Variants in MCC observed in about 807,000 individuals in gnomAD.
MCC encodes the protein MCC regulator of Wnt signaling pathway.
MCC carries 90 observed loss-of-function variants against 116.2 expected under a neutral mutation model. The ratio of observed to expected loss-of-function variants is 0.77; its 90% confidence interval spans 0.65 to 0.92. MCC has a LOEUF of 0.92. MCC is among the 40% of genes least tolerant of loss of function. MCC has a pLI of 0.00. For missense variants in MCC, 1,516 were observed against 1,312.2 expected, an observed-to-expected ratio of 1.16 and a Z score of -2.40; for synonymous variants, 578 against 510.5, an observed-to-expected ratio of 1.13 and a Z score of -1.78.
intron 3 of MCC, among the ~76,000 whole-genome samples, chr5:113,316,195 G>C (rs1767275274): frequency 6.6e-6 from 1 of 151,268 alleles, no homozygotes; most frequent in Admixed American, 6.6e-5. Flanking sequence ...GGCAGAGGTT[G>C]CAGTGAGCTG....
At chr5:113,418,265 TAATAA>T (rs1045989483) in intron 1 of MCC, among the ~76,000 whole-genome samples, 17 of 146,814 alleles carry the variant, frequency 1.2e-4, no homozygotes, top group African/African-American at 3.8e-4. Context: ...AAAAGTATAA[TAATAA>T]AATAAAACAA....
intron 5 of MCC, among the ~76,000 whole-genome samples, chr5:113,141,038 C>T (rs1759149599): frequency 6.6e-6 from 1 of 152,136 alleles, no homozygotes; most frequent in African/African-American, 2.4e-5. Flanking sequence ...GGGGAAGATC[C>T]ACCCTTAGTG....
At chr5:113,266,561 G>C (rs1765424822) in intron 3 of MCC, among the ~76,000 whole-genome samples, 2 of 152,092 alleles carry the variant, frequency 1.3e-5, no homozygotes, top group South Asian at 4.1e-4. Context: ...TTTGAGATGA[G>C]GTGTCGCTCT....
At position 113,460,231 on chromosome 5, in the gene MCC, T is replaced by A. The variant is rs116396389; in HGVS notation, c.170+28014A>T. Among the ~76,000 whole-genome samples the A allele has an allele frequency of 4.3e-3, 656 of 152,282 alleles. 6 individuals carry two copies. The highest frequency in any genetic ancestry group is 0.015 in the African/African-American group (608 of 41,562). Reference sequence around the variant, plus strand: ...TATCATACATGAAGGGAATCCTCTTTCCATGGGAAATTTTGACAATTTGTG... The same window carrying A: ...TATCATACATGAAGGGAATCCTCTTACCATGGGAAATTTTGACAATTTGTG... On this transcript the variant is annotated intron_variant, in intron 1 of 18. Coordinates refer to ENST00000408903, the MANE Select transcript of MCC (RefSeq NM_001085377.2).
chr5:113,444,059 G>A (rs748097709), intron 1 of MCC, among the ~76,000 whole-genome samples: 49 of 151,520 alleles, frequency 3.2e-4, no homozygotes, highest in Non-Finnish European at 1.2e-4. Context: ...TGGCCAGGCT[G>A]TTCTCGAACT....
chr5:113,161,373 A>G (rs1257251680), intron 3 of MCC, among the ~76,000 whole-genome samples: 1 of 152,214 alleles, frequency 6.6e-6, no homozygotes, highest in East Asian at 1.9e-4. Flanking sequence ...GAACATGAAT[A>G]AAAGGGTTCT....
chr5:113,353,488 A>C (rs922377655), intron 2 of MCC, among the ~76,000 whole-genome samples: 1 of 152,250 alleles, frequency 6.6e-6, no homozygotes, highest in Non-Finnish European at 1.5e-5. Flanking sequence ...ATGGTCTCTC[A>C]ATACTACTTA....
chr5:113,055,279 T>TCTC (rs1752760682), intron 14 of MCC, among the ~76,000 whole-genome samples: 1 of 151,986 alleles, frequency 6.6e-6, no homozygotes, highest in Admixed American at 6.6e-5. Flanking sequence ...CCACGAGTGA[T>TCTC]CTCCACAGGC....
chr5:113,029,947 C>G (rs1241915860), intron 17 of MCC, among the ~76,000 whole-genome samples: 2 of 152,200 alleles, frequency 1.3e-5, no homozygotes, highest in Admixed American at 1.3e-4. Flanking sequence ...TGGTTTGATT[C>G]CCCAATGCAC....
Position 113,085,266 on chromosome 5 carries a change from AC to A in MCC, c.1442del (p.Gly481ValfsTer22), listed in dbSNP as rs779661972. On this transcript the variant is annotated frameshift_variant, in exon 9 of 19. Transcript: ENST00000408903. LOFTEE classifies it high-confidence loss of function. ...QTRLQSVQAT[G>X]PSSPGRLTST... ...AAGTGAGGCGGCCAGGGCTGGAGGG[AC>A]CTGTGGCCTGCACGCTCTGTAGTCG... 1 of 1,614,064 alleles carries A rather than the reference AC, an allele frequency of 6.2e-7. No individual in the cohort carries two copies. Among genetic ancestry groups the A allele is most frequent in the South Asian group, 1.1e-5 (1 of 91,070 alleles).
At chr5:113,460,373 C>G (rs1771710341) in intron 1 of MCC, among the ~76,000 whole-genome samples, 1 of 152,320 alleles carries the variant, frequency 6.6e-6, no homozygotes, top group Middle Eastern at 3.4e-3. Context: ...TGACTTTGCT[C>G]TTTTATTCAA....
chr5:113,247,492 A>T (rs1302926844), intron 3 of MCC, among the ~76,000 whole-genome samples: 7 of 152,252 alleles, frequency 4.6e-5, no homozygotes, highest in African/African-American at 1.7e-4. Context: ...CTAGATAGTT[A>T]CTAAAGATTT....
chr5:113,022,535 T>A lies in MCC; in HGVS notation c.*4767A>T, dbSNP rs1750214938. On this transcript the variant is annotated 3_prime_UTR_variant, in exon 19 of 19. Coordinates refer to ENST00000408903, the MANE Select transcript of MCC (RefSeq NM_001085377.2). ...GAACTAGAAAAGAAGTGGACATGTT[T>A]TATTATCTTTGCATTACGTTCTAAC... is the stretch of plus-strand genomic sequence containing the variant. The A allele has an allele frequency of 6.6e-6, 1 of 152,418 alleles. No homozygotes were observed. The highest frequency in any genetic ancestry group is 2.4e-5 in the African/African-American group (1 of 41,466). The allele number at this position is 152,418 out of a possible 1,614,324, so 9.4% of individuals were successfully genotyped here.
rs1336414591 is a variant in MCC, at chr5:113,085,292, G to A, written c.1417C>T (p.Arg473Ter). ...CCTGTGGCCTGCACGCTCTGTAGTC[G>A]AGTTTGAAGCTCTCTGACCTGAAAT... is the stretch of plus-strand genomic sequence containing the variant. ...LRRRVRELQT[R>*]LQSVQATGPS... The change falls in exon 9 of 19, where the codon CGA becomes TGA. Residue 473 changes from arginine to a stop codon, truncating the protein, a stop_gained. Coordinates refer to ENST00000408903, the MANE Select transcript of MCC (RefSeq NM_001085377.2). LOFTEE classifies it high-confidence loss of function. 3.7e-6 allele frequency: 6 copies of A among 1,613,096 alleles called. No homozygotes were observed. Among genetic ancestry groups the A allele is most frequent in the South Asian group, 3.3e-5 (3 of 90,978 alleles).
At position 113,248,947 on chromosome 5, in the gene MCC, G is replaced by A. The variant is rs564295386; in HGVS notation, c.627+91572C>T. Reference sequence around the variant, plus strand: ...CTGCCTCCGCCTCCTGGGTTCAAGTGATTTTCCTGCCTCAGCCTCCCGAGT... The same window carrying A: ...CTGCCTCCGCCTCCTGGGTTCAAGTAATTTTCCTGCCTCAGCCTCCCGAGT... On this transcript the variant is annotated intron_variant, in intron 3 of 18. Coordinates refer to ENST00000408903, the MANE Select transcript of MCC (RefSeq NM_001085377.2). 3.6e-3 allele frequency among the ~76,000 whole-genome samples: 553 copies of A among 151,566 alleles called. 2 individuals carry two copies. The highest frequency in any genetic ancestry group is 0.013 in the African/African-American group (520 of 41,320).
chr5:113,354,596 A>T (rs1768364195), intron 2 of MCC, among the ~76,000 whole-genome samples: 1 of 151,524 alleles, frequency 6.6e-6, no homozygotes, highest in African/African-American at 2.4e-5. Context: ...CACCACACCC[A>T]GCTAATTTTT....
rs984986808 is a variant in MCC, at chr5:113,204,298, T to A, written c.628-52876A>T. Reference sequence around the variant, plus strand: ...GCCATCACACAGCAGATGAAGGCCTTTGCACACAAAGCTCTCTTCCTCAGA... The same window carrying A: ...GCCATCACACAGCAGATGAAGGCCTATGCACACAAAGCTCTCTTCCTCAGA... On this transcript the variant is annotated intron_variant, in intron 3 of 18. Transcript: ENST00000408903. Among the ~76,000 whole-genome samples the A allele has an allele frequency of 4.6e-5, 7 of 152,326 alleles. No homozygotes were observed. The South Asian group carries it at 8.3e-4, about 18-fold the overall frequency.
intron 3 of MCC, among the ~76,000 whole-genome samples, chr5:113,305,655 G>T (rs1315332487): frequency 6.6e-6 from 1 of 152,096 alleles, no homozygotes; most frequent in Non-Finnish European, 1.5e-5. Context: ...GGTTACTATA[G>T]CTCAATGATA....
chr5:113,361,721 T>C (rs1454889926), intron 2 of MCC, among the ~76,000 whole-genome samples: 1 of 152,204 alleles, frequency 6.6e-6, no homozygotes, highest in Non-Finnish European at 1.5e-5. Context: ...ACCCAATGTG[T>C]GCAGGCACCA....
Sources: gnomAD v4.1 joint callset for allele counts (sites outside exome capture counted in the v4.1 genomes callset) on GRCh38, gnomAD v4.1.1 for gene constraint, MANE v1.5 for transcripts, NCBI Gene and HGNC (gene_info 2026-07-23, HGNC 2026-07-21) for gene names.